Variants in LIN28B observed in about 807,000 individuals in gnomAD.
LIN28B encodes protein lin-28 homolog B.
A neutral mutation model predicts 21.9 loss-of-function variants in LIN28B; 5 were observed. The ratio of observed to expected loss-of-function variants is 0.23; its 90% CI spans 0.12 to 0.48. The LOEUF is 0.48. LIN28B is among the 20% of genes least tolerant of loss of function. LIN28B has a pLI of 0.98. For missense variants in LIN28B, 245 were observed against 310.5 expected (o/e 0.79, Z 1.58); for synonymous variants, 109 against 111.3 (o/e 0.98, Z 0.13).
intron 3 of LIN28B, among the ~76,000 whole-genome samples, chr6:105,077,291 G>A (rs192858032): frequency 6.6e-5 from 10 of 152,224 alleles, no homozygotes; most frequent in Non-Finnish European, 1.2e-4. Flanking sequence ...AGTCATAAAT[G>A]TATTTGGAAA....
intron 2 of LIN28B, among the ~76,000 whole-genome samples, chr6:104,985,994 A>G (rs910972994): frequency 3.3e-5 from 5 of 152,052 alleles, no homozygotes; most frequent in Admixed American, 3.3e-4. Context: ...TCCCTGCCCA[A>G]ATCTCATGTT....
chr6:105,043,115 TAC>T (rs1771670319), intron 3 of LIN28B, among the ~76,000 whole-genome samples: 1 of 151,792 alleles, frequency 6.6e-6, no homozygotes, highest in Non-Finnish European at 1.5e-5. Context: ...ATGAGAGATA[TAC>T]AGAGTCTAAA....
intron 2 of LIN28B, among the ~76,000 whole-genome samples, chr6:104,998,416 G>A (rs1008127797): frequency 1.3e-4 from 20 of 151,864 alleles, no homozygotes; most frequent in African/African-American, 4.8e-4. Flanking sequence ...AGGATTAGCT[G>A]GTTTAATTTT....
At chr6:104,939,188 TAATC>T (rs1778050394) in intron 2 of LIN28B, 1 of 152,262 alleles carries the variant, frequency 6.6e-6, no homozygotes, top group Non-Finnish European at 1.5e-5. Context: ...TCATTTCTAG[TAATC>T]AATGTCCACA....
chr6:105,037,488 T>G (rs899230572), intron 3 of LIN28B, among the ~76,000 whole-genome samples: 1 of 35,164 alleles, frequency 2.8e-5, no homozygotes, highest in African/African-American at 1.1e-4. Context: ...CTCCTCCCCC[T>G]CCTCCCCCTC....
At chr6:105,034,521 T>C (rs546574010) in intron 3 of LIN28B, among the ~76,000 whole-genome samples, 1 of 152,156 alleles carries the variant, frequency 6.6e-6, no homozygotes, top group East Asian at 1.9e-4. Context: ...TTTAGTTTGA[T>C]CATAGTAGAA....
chr6:105,039,930 T>C (rs1771599192), intron 3 of LIN28B, among the ~76,000 whole-genome samples: 1 of 152,184 alleles, frequency 6.6e-6, no homozygotes, highest in Non-Finnish European at 1.5e-5. Context: ...CAGTGTTGAA[T>C]GATGCTGATG....
At chr6:104,940,681 G>T (rs1323678726) in intron 2 of LIN28B, among the ~76,000 whole-genome samples, 1 of 150,398 alleles carries the variant, frequency 6.6e-6, no homozygotes, top group Non-Finnish European at 1.5e-5. Context: ...CCGCCGCCGC[G>T]CCCCGCGCTC....
intron 2 of LIN28B, among the ~76,000 whole-genome samples, chr6:104,944,930 T>C (rs1171741352): frequency 2.6e-5 from 4 of 152,220 alleles, no homozygotes; most frequent in African/African-American, 9.6e-5. Context: ...AAAGACTTGA[T>C]GTTGAATGGC....
chr6:105,077,902 C>A (rs980445794), intron 3 of LIN28B, among the ~76,000 whole-genome samples: 3 of 152,130 alleles, frequency 2.0e-5, no homozygotes, highest in African/African-American at 7.2e-5. Context: ...TAGCTGGTTT[C>A]TACAGTCAAA....
rs34394074 is a variant in LIN28B at position 104,989,576 on chromosome 6, G to GTTTTTTTTTTTTTTT, written c.198+31301_198+31315dup. ...GAAACTTTATTTTTATTTTACTTGG[G>GTTTTTTTTTTTTTTT]TTTTTTTTTTTTTTTTTTTTTTTTT... On this transcript the variant is annotated intron_variant, in intron 2 of 3. Transcript: ENST00000345080. Among the ~76,000 whole-genome samples, 139 of 60,596 alleles carry GTTTTTTTTTTTTTTT rather than the reference G, an allele frequency of 2.3e-3. 3 individuals carry two copies. Among genetic ancestry groups the GTTTTTTTTTTTTTTT allele is most frequent in the East Asian group, 7.1e-3 (9 of 1,268 alleles). 39.8% of individuals were successfully genotyped at this position (60,596 alleles called of 152,430 possible). A position where few individuals can be genotyped will look rare whatever the true frequency, so the allele number is the denominator to read the frequency against.
chr6:104,992,484 TTGTGTG>T (rs752464999), intron 2 of LIN28B, among the ~76,000 whole-genome samples: 2 of 135,934 alleles, frequency 1.5e-5, no homozygotes, highest in Non-Finnish European at 3.1e-5. Context: ...TAAGTTTCTG[TTGTGTG>T]TGTGTGTGTG....
At chr6:104,992,234 A>AT (rs1770502572) in intron 2 of LIN28B, among the ~76,000 whole-genome samples, 1 of 151,816 alleles carries the variant, frequency 6.6e-6, no homozygotes, top group Admixed American at 6.6e-5. Flanking sequence ...CTAATTTTGT[A>AT]TTTTTAGTAG....
intron 3 of LIN28B, among the ~76,000 whole-genome samples, chr6:105,053,480 T>A (rs1771954048): frequency 6.6e-6 from 1 of 151,810 alleles, no homozygotes; most frequent in African/African-American, 2.4e-5. Context: ...TGGATTTCTC[T>A]ATTTCTTCTT....
At chr6:104,979,092 A>G (rs1318337810) in intron 2 of LIN28B, among the ~76,000 whole-genome samples, 3 of 152,142 alleles carry the variant, frequency 2.0e-5, no homozygotes, top group Non-Finnish European at 4.4e-5. Flanking sequence ...GAAACATTTT[A>G]GCATTTTTGT....
At chr6:105,053,412 T>TGTGTGCGC (rs1554190400) in intron 3 of LIN28B, among the ~76,000 whole-genome samples, 2 of 151,090 alleles carry the variant, frequency 1.3e-5, no homozygotes, top group African/African-American at 4.9e-5. Context: ...TGTGTGTGTG[T>TGTGTGCGC]GCACGTGCTC....
intron 2 of LIN28B, among the ~76,000 whole-genome samples, chr6:104,975,366 T>G (rs770628617): frequency 3.9e-5 from 6 of 152,190 alleles, no homozygotes; most frequent in Non-Finnish European, 8.8e-5. Flanking sequence ...TTTTATAGTT[T>G]TATACATTAA....
chr6:105,005,496 T>C (rs1770799373), intron 2 of LIN28B, among the ~76,000 whole-genome samples: 1 of 152,352 alleles, frequency 6.6e-6, no homozygotes, highest in South Asian at 2.1e-4. Context: ...TTTGTGTCCC[T>C]GCCCAAGTCT....
intron 3 of LIN28B, among the ~76,000 whole-genome samples, chr6:105,053,367 A>T (rs529271996): frequency 8.1e-5 from 12 of 148,338 alleles, no homozygotes; most frequent in South Asian, 6.5e-4. Flanking sequence ...AGTGTAGCCC[A>T]AATCTATGTC....
Sources: gnomAD v4.1 joint callset for allele counts (sites outside exome capture counted in the v4.1 genomes callset) on GRCh38, gnomAD v4.1.1 for gene constraint, MANE v1.5 for transcripts, NCBI Gene and HGNC (gene_info 2026-07-23, HGNC 2026-07-21) for gene names.